The following TACC1 variants were observed in gnomAD, a reference collection of about 807,000 sequenced individuals.
The protein encoded by TACC1 is transforming acidic coiled-coil-containing protein 1.
TACC1 carries 48 observed loss-of-function variants against 84.4 expected under a neutral mutation model. The ratio of observed to expected loss-of-function variants is 0.57; its 90% CI spans 0.45 to 0.72. The LOEUF (loss-of-function observed/expected upper bound fraction) is 0.72, where lower values mean the gene tolerates loss of function less well. Among genes scored for constraint, TACC1 ranks in the 30% least tolerant of loss-of-function variants. The probability of loss-of-function intolerance (pLI) is 0.00; values close to 1 mark genes in which losing one functional copy is unlikely to be tolerated. For synonymous variants in TACC1, 372 were observed against 376.3 expected (o/e 0.99, Z 0.13); for missense variants, 920 against 973.0 (o/e 0.95, Z 0.72).
intron 5 of TACC1, among the ~76,000 whole-genome samples, chr8:38,829,655 G>A (rs990747176): frequency 5.3e-5 from 8 of 152,176 alleles, no homozygotes; most frequent in African/African-American, 1.9e-4. Flanking sequence ...CTTTGACACA[G>A]TACATGGTAA....
At position 38,849,713 on chromosome 8, in the gene TACC1, G is replaced by C. The variant is rs1466660087; in HGVS notation, c.*1690G>C. 6.6e-6 allele frequency: 1 copy of C among 152,622 alleles called. No individual in the cohort carries two copies. Among genetic ancestry groups the C allele is most frequent in the Non-Finnish European group, 1.5e-5 (1 of 68,052 alleles). 9.5% of individuals were successfully genotyped at this position (152,622 alleles called of 1,614,324 possible). A position where few individuals can be genotyped will look rare whatever the true frequency, so the allele number is the denominator to read the frequency against. On this transcript the variant is annotated 3_prime_UTR_variant, in exon 13 of 13. Coordinates refer to ENST00000317827, the MANE Select transcript of TACC1 (RefSeq NM_006283.3). ...CCAATATGCATTTATCATAATTGGT[G>C]CTTAGGCTGTATATTCAAGCCTGTT...
At chr8:38,841,180 T>G (rs902031339) in intron 9 of TACC1, among the ~76,000 whole-genome samples, 9 of 152,226 alleles carry the variant, frequency 5.9e-5, no homozygotes. Flanking sequence ...TAAAGACACC[T>G]TATTTAATAT....
chr8:38,846,632 A>G, intron 11 of TACC1, 67 bp from the exon 12 acceptor site: 1 of 1,590,118 alleles, frequency 6.3e-7, no homozygotes, highest in East Asian at 2.3e-5. Flanking sequence ...TAGTATCCTG[A>G]CTGGCTTTGA....
chr8:38,799,455 C>T (rs1256458335), intron 2 of TACC1, among the ~76,000 whole-genome samples: 2 of 152,184 alleles, frequency 1.3e-5, no homozygotes, highest in Non-Finnish European at 2.9e-5. Context: ...AGGGAGCTAG[C>T]CCTGTCCTGT....
chr8:38,850,626 T>C lies in TACC1; in HGVS notation c.*2603T>C, dbSNP rs1832950324. The C allele has an allele frequency of 6.6e-6, 1 of 151,836 alleles. No homozygotes were observed. Among genetic ancestry groups the C allele is most frequent in the African/African-American group, 2.4e-5 (1 of 41,334 alleles). The allele number at this position is 151,836 out of a possible 1,614,324, so 9.4% of individuals were successfully genotyped here. On this transcript the variant is annotated 3_prime_UTR_variant, in exon 13 of 13. Transcript: ENST00000317827. ...AGGCAACATGGTGAAACCTTGTCTC[T>C]ACCAAAATAAAAATTAGCTGGGCAT...
At position 38,758,403 on chromosome 8, in the gene TACC1, G is replaced by A. The variant is rs550071289; in HGVS notation, c.26+12910G>A. Among the ~76,000 whole-genome samples, 190 of 152,246 alleles carry A rather than the reference G, an allele frequency of 1.2e-3. 2 individuals are homozygous for A. The highest frequency in any genetic ancestry group is 9.7e-4 in the East Asian group (5 of 5,180). On this transcript the variant is annotated intron_variant, in intron 3 of 14. Transcript: ENST00000518415. ...TTAATAAGAATAGCTGACGCCGGGC[G>A]TGGTTGGCTCACGCCTGTAATCCCA...
chr8:38,780,177 G>A (rs62505817), intron 3 of TACC1, among the ~76,000 whole-genome samples: 30,330 of 152,122 alleles, frequency 0.2, 3,567 homozygotes, highest in Non-Finnish European at 0.27. Flanking sequence ...TCTGTTGCTT[G>A]TAGACTGTTT....
chr8:38,817,079 A>G (rs766759107), intron 2 of TACC1, among the ~76,000 whole-genome samples: 1 of 152,224 alleles, frequency 6.6e-6, no homozygotes, highest in Non-Finnish European at 1.5e-5. Context: ...GAGGACAAAG[A>G]CAAAATACGT....
Position 38,788,807 on chromosome 8 carries a change from G to A in TACC1, c.265G>A (p.Ala89Thr), listed in dbSNP as rs1353091482. Reference protein sequence around the residue: ...DPSLGLAGPGAKSQESQEADE... With the variant: ...DPSLGLAGPGTKSQESQEADE... ...ATCACTCGGATTGGCAGGACCTGGG[G>A]CCAAAAGCCAAGGTAAAGAAAAACT... is the stretch of plus-strand genomic sequence containing the variant. Residue 89 changes from alanine (A) to threonine (T), a missense_variant, in exon 2 of 13, where the codon GCC (alanine) becomes ACC (threonine). By Grantham distance (58) the Ala-to-Thr change is moderately conservative. Coordinates refer to ENST00000317827, the MANE Select transcript of TACC1 (RefSeq NM_006283.3). The A allele has an allele frequency of 5.0e-6, 8 of 1,606,770 alleles. No homozygotes were observed. The highest frequency in any genetic ancestry group is 6.8e-6 in the Non-Finnish European group (8 of 1,177,364).
At chr8:38,766,924 AG>A in intron 3 of TACC1, among the ~76,000 whole-genome samples, 1 of 152,254 alleles carries the variant, frequency 6.6e-6, no homozygotes, top group East Asian at 1.9e-4. Context: ...CTAGAAAAGG[AG>A]TTTTTATGGC....
intron 3 of TACC1, among the ~76,000 whole-genome samples, chr8:38,747,433 G>A (rs1808278172): frequency 6.6e-6 from 1 of 152,172 alleles, no homozygotes; most frequent in Admixed American, 6.5e-5. Context: ...ATTCATAATT[G>A]CCAAAAGCTG....
chr8:38,792,973 G>T (rs1307563100), intron 2 of TACC1, among the ~76,000 whole-genome samples: 1 of 152,154 alleles, frequency 6.6e-6, no homozygotes, highest in East Asian at 1.9e-4. Flanking sequence ...CACAAAAACT[G>T]CAGTGGGTGC....
At chr8:38,821,868 C>A (rs1358475463) in intron 3 of TACC1, among the ~76,000 whole-genome samples, 2 of 152,166 alleles carry the variant, frequency 1.3e-5, no homozygotes, top group Admixed American at 6.5e-5. Context: ...CTACTACACA[C>A]CTAGGCTATA....
In TACC1 at chr8:38,788,738, G is replaced by A; in HGVS notation, c.196G>A (p.Ala66Thr). Residue 66 changes from alanine (A) to threonine (T), a missense_variant, in exon 2 of 13, where the codon GCT (alanine) becomes ACT (threonine). Ala to Thr is a moderately conservative substitution (Grantham distance 58). This residue lies in a region of TACC1 where 762 missense variants were observed against 747.3 expected (regional missense o/e 1.02). Transcript: ENST00000317827. ...DSEGNFETPE[A>T]ETPIRSPFKE... is the part of the protein sequence containing the mutation. Reference sequence around the variant, plus strand: ...TGAAGGTAATTTTGAGACTCCTGAAGCTGAAACCCCGATCCGATCACCTTT... The same window carrying A: ...TGAAGGTAATTTTGAGACTCCTGAAACTGAAACCCCGATCCGATCACCTTT... 3 of 1,614,036 alleles carry A rather than the reference G, an allele frequency of 1.9e-6. No individual in the cohort carries two copies. Among genetic ancestry groups the A allele is most frequent in the Non-Finnish European group, 2.5e-6 (3 of 1,179,986 alleles).
chr8:38,774,179 C>T (rs1484500689), intron 3 of TACC1, among the ~76,000 whole-genome samples: 1 of 152,232 alleles, frequency 6.6e-6, no homozygotes, highest in African/African-American at 2.4e-5. Flanking sequence ...AGGCTTCAGT[C>T]TGTCACTCCT....
chr8:38,846,750 A>G lies in TACC1; in HGVS notation c.2280A>G (p.Ala760=), dbSNP rs1331251388. 1.2e-6 allele frequency: 2 copies of G among 1,614,100 alleles called. No individual in the cohort carries two copies. Among genetic ancestry groups the G allele is most frequent in the East Asian group, 2.2e-5 (1 of 44,898 alleles). Reference sequence around the variant, plus strand: ...GAACAAAAGCAAAGGCTGAGAGTGCAGCTCTCCATGCTGGACTCCGCAAAG... The same window carrying G: ...GAACAAAAGCAAAGGCTGAGAGTGCGGCTCTCCATGCTGGACTCCGCAAAG... The part of the protein sequence containing the change: ...QVRTKAKAES[A]ALHAGLRKEQ... The change falls in exon 12 of 13, where the codon GCA becomes GCG. Residue 760 remains alanine (A), a synonymous_variant. Transcript: ENST00000317827.
In TACC1 at chr8:38,851,958, T is replaced by C. The variant is rs1006786828; in HGVS notation, c.*3935T>C. 9 of 456,208 alleles carry C rather than the reference T, an allele frequency of 2.0e-5. No individual in the cohort carries two copies. Among genetic ancestry groups the C allele is most frequent in the Non-Finnish European group, 3.5e-5 (8 of 226,946 alleles). 28.3% of individuals were successfully genotyped at this position (456,208 alleles called of 1,614,324 possible). On this transcript the variant is annotated 3_prime_UTR_variant, in exon 13 of 13. Transcript: ENST00000317827. ...TTGACTGGCCTCCAGATTCCAGTTA[T>C]TTTTAAAAAGCAACTTACCACTAAA...
In TACC1 at chr8:38,746,851, T is replaced by A. The variant is rs1360253383; in HGVS notation, c.26+1358T>A. ...AGGAAAATTAAAATAGAATATATCT[T>A]AAAATATTAAGTAATTTTTAAAGGC... On this transcript the variant is annotated intron_variant, in intron 3 of 14. Transcript: ENST00000518415. Among the ~76,000 whole-genome samples, 15 of 152,242 alleles carry A rather than the reference T, an allele frequency of 9.9e-5. No individual in the cohort carries two copies. The East Asian group carries it at 2.9e-3, about 29-fold the overall frequency.
intron 2 of TACC1, among the ~76,000 whole-genome samples, chr8:38,800,577 G>A (rs935500344): frequency 2.0e-5 from 3 of 152,184 alleles, no homozygotes; most frequent in Non-Finnish European, 4.4e-5. Context: ...CTATGTTGTA[G>A]CAAGTATCGG....
Sources: gnomAD v4.1 joint callset for allele counts (sites outside exome capture counted in the v4.1 genomes callset) on GRCh38, gnomAD v4.1.1 for gene constraint, gnomAD v4.1.1 regional missense constraint, MANE v1.5 for transcripts, NCBI Gene and HGNC (gene_info 2026-07-23, HGNC 2026-07-21) for gene names.